Variants in RBFOX1 observed in about 807,000 individuals in gnomAD.
RBFOX1 encodes RNA binding protein fox-1 homolog 1.
RBFOX1 carries 8 observed loss-of-function variants against 57.7 expected under a neutral mutation model. The ratio of observed to expected loss-of-function variants is 0.14; its 90% CI spans 0.08 to 0.25. The LOEUF is 0.25. RBFOX1 is among the 10% of genes least tolerant of loss of function. The probability of loss-of-function intolerance (pLI) is 1.00; values close to 1 mark genes in which losing one functional copy is unlikely to be tolerated. For missense variants in RBFOX1, 611 were observed against 548.5 expected (o/e 1.11, Z -1.14); for synonymous variants, 326 against 222.4 (o/e 1.47, Z -4.15).
At chr16:5,556,414 G>A (rs2045678502) in intron 2 of RBFOX1, among the ~76,000 whole-genome samples, 1 of 152,230 alleles carries the variant, frequency 6.6e-6, no homozygotes, top group African/African-American at 2.4e-5. Flanking sequence ...TATGGCTTGA[G>A]TTCCCAGAGG....
intron 2 of RBFOX1, among the ~76,000 whole-genome samples, chr16:6,654,162 ATGGATGGT>A (rs2098628427): frequency 6.8e-6 from 1 of 147,526 alleles, no homozygotes; most frequent in Admixed American, 6.6e-5. Context: ...AGATGAATGG[ATGGATGGT>A]TGGATGGTTG....
intron 3 of RBFOX1, among the ~76,000 whole-genome samples, chr16:6,927,117 G>A (rs542931170): frequency 6.6e-5 from 10 of 151,936 alleles, no homozygotes; most frequent in Non-Finnish European, 1.5e-4. Context: ...TCCCCCAGAG[G>A]GTTTGATCCC....
At chr16:7,619,570 C>T (rs1023561561) in intron 10 of RBFOX1, among the ~76,000 whole-genome samples, 2 of 152,104 alleles carry the variant, frequency 1.3e-5, no homozygotes, top group African/African-American at 4.8e-5. Context: ...TAGAGTCCCT[C>T]CTAAATAGTT....
intron 1 of RBFOX1, among the ~76,000 whole-genome samples, chr16:6,157,036 A>C (rs1168052687): frequency 6.6e-6 from 1 of 151,818 alleles, no homozygotes; most frequent in Non-Finnish European, 1.5e-5. Flanking sequence ...GGGTCTTGCT[A>C]TGTTGCCTAG....
intron 4 of RBFOX1, among the ~76,000 whole-genome samples, chr16:7,212,241 A>G (rs2091281328): frequency 6.6e-6 from 1 of 152,178 alleles, no homozygotes; most frequent in South Asian, 2.1e-4. Context: ...TGAGGGAAGC[A>G]CAAGCTACTA....
At chr16:6,494,405 T>C (rs982816616) in intron 2 of RBFOX1, among the ~76,000 whole-genome samples, 7 of 152,218 alleles carry the variant, frequency 4.6e-5, no homozygotes, top group Non-Finnish European at 8.8e-5. Context: ...CTGTCGATCA[T>C]GAATCTGCCT....
chr16:6,467,504 A>G (rs1277718683), intron 2 of RBFOX1, among the ~76,000 whole-genome samples: 1 of 152,196 alleles, frequency 6.6e-6, no homozygotes, highest in East Asian at 1.9e-4. Context: ...TATATCCCCT[A>G]GAAGTATACT....
At chr16:5,994,610 G>A (rs780522422) in intron 4 of RBFOX1, among the ~76,000 whole-genome samples, 5 of 152,222 alleles carry the variant, frequency 3.3e-5, no homozygotes, top group Non-Finnish European at 7.3e-5. Context: ...AGGTCCTACA[G>A]TCTCCATTGC....
intron 4 of RBFOX1, among the ~76,000 whole-genome samples, chr16:7,459,702 T>C (rs2150478264): frequency 6.6e-6 from 1 of 152,346 alleles, no homozygotes; most frequent in South Asian, 2.1e-4. Flanking sequence ...TTTCAAAATA[T>C]TGCTTGCACC....
chr16:7,546,379 A>G (rs918690151), intron 5 of RBFOX1, among the ~76,000 whole-genome samples: 4 of 110,518 alleles, frequency 3.6e-5, no homozygotes, highest in Non-Finnish European at 8.0e-5. Flanking sequence ...AAAATAAAAT[A>G]ATAAAATAAA....
At chr16:7,684,145 A>G (rs1230298503) in intron 14 of RBFOX1, among the ~76,000 whole-genome samples, 1 of 152,150 alleles carries the variant, frequency 6.6e-6, no homozygotes, top group African/African-American at 2.4e-5. Flanking sequence ...TTTCTATTTC[A>G]ATGTGGCCTC....
intron 1 of RBFOX1, among the ~76,000 whole-genome samples, chr16:6,241,161 G>A (rs370865705): frequency 6.6e-6 from 1 of 152,138 alleles, no homozygotes; most frequent in African/African-American, 2.4e-5. Context: ...GCACCCCAAC[G>A]CCCCTGCCAG....
intron 4 of RBFOX1, among the ~76,000 whole-genome samples, chr16:7,230,704 G>C (rs1183668238): frequency 6.6e-6 from 1 of 152,192 alleles, no homozygotes; most frequent in African/African-American, 2.4e-5. Flanking sequence ...ACTTGGAGTT[G>C]AAAGTGACCT....
At chr16:6,596,833 A>G (rs187934951) in intron 2 of RBFOX1, among the ~76,000 whole-genome samples, 32 of 152,300 alleles carry the variant, frequency 2.1e-4, no homozygotes, top group Non-Finnish European at 2.5e-4. Context: ...ACAATTGAGA[A>G]CAGCTGATAG....
chr16:5,763,450 C>T (rs929004902), intron 3 of RBFOX1, among the ~76,000 whole-genome samples: 1 of 152,194 alleles, frequency 6.6e-6, no homozygotes, highest in Non-Finnish European at 1.5e-5. Flanking sequence ...AGGGAGACAG[C>T]CAGATTCTGG....
At chr16:7,194,223 G>A (rs1382853043) in intron 4 of RBFOX1, among the ~76,000 whole-genome samples, 4 of 152,174 alleles carry the variant, frequency 2.6e-5, no homozygotes, top group Non-Finnish European at 5.9e-5. Flanking sequence ...CCGGCTCAGT[G>A]TCTACAGGTA....
At chr16:7,084,588 C>G (rs1362559165) in intron 4 of RBFOX1, among the ~76,000 whole-genome samples, 1 of 152,098 alleles carries the variant, frequency 6.6e-6, no homozygotes, top group Non-Finnish European at 1.5e-5. Flanking sequence ...ACTTCAGTGA[C>G]TATGTGAGAG....
chr16:6,899,284 G>A (rs537099737), intron 3 of RBFOX1, among the ~76,000 whole-genome samples: 8 of 152,078 alleles, frequency 5.3e-5, no homozygotes, highest in African/African-American at 1.9e-4. Context: ...ATGTATGTGT[G>A]TATAATACAT....
Position 5,709,610 on chromosome 16 carries a change from C to A in RBFOX1, c.318+110649C>A, listed in dbSNP as rs145802046. ...ACACTTCCTGTTTAACAGCAAGCAT[C>A]ATTAGCTAGGTGTGTCAGGCACTTG... is the stretch of plus-strand genomic sequence containing the variant. On this transcript the variant is annotated intron_variant, in intron 3 of 19. Transcript: ENST00000641259. 7.2e-3 allele frequency among the ~76,000 whole-genome samples: 1,086 copies of A among 151,304 alleles called. 18 individuals are homozygous for A. The highest frequency in any genetic ancestry group is 0.025 in the African/African-American group (1,046 of 41,128).
Sources: gnomAD v4.1 joint callset for allele counts (sites outside exome capture counted in the v4.1 genomes callset) on GRCh38, gnomAD v4.1.1 for gene constraint, MANE v1.5 for transcripts, NCBI Gene and HGNC (gene_info 2026-07-23, HGNC 2026-07-21) for gene names.